PPFIBP1: variants seen among roughly 807,000 people sequenced by gnomAD.
The protein encoded by PPFIBP1 is liprin-beta-1.
Under a neutral mutation model 137.8 loss-of-function variants are expected in PPFIBP1, and 112 were observed. That is an observed-to-expected ratio of 0.81 (90% CI 0.70 to 0.95). The LOEUF (loss-of-function observed/expected upper bound fraction) is 0.95. Among genes scored for constraint, PPFIBP1 ranks in the 40% least tolerant of loss-of-function variants. The pLI is 0.00. For missense variants in PPFIBP1, 1,083 were observed against 1,196.6 expected (o/e 0.91, Z 1.40); for synonymous variants, 378 against 417.3 (o/e 0.91, Z 1.15).
rs754464591 is a variant in PPFIBP1 at position 27,688,282 on chromosome 12, T to C, written c.2371-16T>C. On this transcript the variant is annotated splice_polypyrimidine_tract_variant and intron_variant, in intron 25 of 29. Transcript: ENST00000228425. ...TGCAATTTAATATTTAGGATCCTGG[T>C]TGTGTGTTCCCATAGAATACCATCG... 25 of 1,611,832 alleles carry C rather than the reference T, an allele frequency of 1.6e-5. No homozygotes were observed. In the East Asian group the frequency reaches 5.4e-4, roughly 35 times the overall value.
At chr12:27,600,774 A>C (rs2053893910) in intron 2 of PPFIBP1, among the ~76,000 whole-genome samples, 1 of 152,214 alleles carries the variant, frequency 6.6e-6, no homozygotes, top group Non-Finnish European at 1.5e-5. Context: ...GTATATACTT[A>C]GTACTTAATA....
At chr12:27,688,455 A>G (rs377224588) in intron 26 of PPFIBP1, 32 bp downstream of exon 26, 1 of 1,609,188 alleles carries the variant, frequency 6.2e-7, no homozygotes, top group African/African-American at 1.3e-5. Flanking sequence ...AAATTGACTT[A>G]CTTTGCTTCC....
At chr12:27,601,165 A>G (rs1413611372) in intron 2 of PPFIBP1, among the ~76,000 whole-genome samples, 9 of 152,174 alleles carry the variant, frequency 5.9e-5, no homozygotes, top group African/African-American at 2.2e-4. Context: ...TTTACCAGTA[A>G]AAACAATTAA....
At chr12:27,631,212 C>T (rs1007079468) in intron 2 of PPFIBP1, among the ~76,000 whole-genome samples, 11 of 152,086 alleles carry the variant, frequency 7.2e-5, no homozygotes, top group African/African-American at 2.7e-4. Flanking sequence ...AACATTTCTG[C>T]CAAATGATTG....
chr12:27,673,805 TGAAGAAAGAGACA>T lies in PPFIBP1; in HGVS notation c.1359_1371del (p.Lys454LeufsTer70). 6.2e-7 allele frequency: 1 copy of T among 1,613,746 alleles called. No individual in the cohort carries two copies. Among genetic ancestry groups the T allele is most frequent in the Non-Finnish European group, 8.5e-7 (1 of 1,179,734 alleles). The stretch of plus-strand genomic sequence containing the variant: ...CAGAAGTCCAGCAGCCTGGGCAATC[TGAAGAAAGAGACA>T]TCTGATGGGGTGGGTTCTGTGTTTT... On this transcript the variant is annotated frameshift_variant, in exon 16 of 30. Coordinates refer to ENST00000228425, the MANE Select transcript of PPFIBP1 (RefSeq NM_003622.4). LOFTEE classifies it high-confidence loss of function.
intron 2 of PPFIBP1, chr12:27,594,120 CG>C: frequency 1.3e-6 from 1 of 783,278 alleles, no homozygotes; most frequent in Non-Finnish European, 1.8e-6. Flanking sequence ...TAGGTGGGAC[CG>C]GGGAGAAGAG....
intron 27 of PPFIBP1, among the ~76,000 whole-genome samples, chr12:27,690,808 C>T (rs1012505320): frequency 6.6e-6 from 1 of 152,038 alleles, no homozygotes; most frequent in African/African-American, 2.4e-5. Flanking sequence ...TAGGAAAATA[C>T]ACTTTAAAAA....
intron 2 of PPFIBP1, among the ~76,000 whole-genome samples, chr12:27,611,906 T>C (rs939397145): frequency 2.0e-5 from 3 of 152,102 alleles, no homozygotes; most frequent in Non-Finnish European, 2.9e-5. Context: ...GACCACGTCT[T>C]TCCCCCTCAA....
At chr12:27,535,598 C>G (rs1430640034) in intron 1 of PPFIBP1, among the ~76,000 whole-genome samples, 1 of 152,050 alleles carries the variant, frequency 6.6e-6, no homozygotes, top group East Asian at 1.9e-4. Context: ...AGGATCTCAC[C>G]ATGTTGCTCA....
chr12:27,648,337 G>C (rs2139559237), intron 6 of PPFIBP1, among the ~76,000 whole-genome samples: 1 of 152,258 alleles, frequency 6.6e-6, no homozygotes, highest in Non-Finnish European at 1.5e-5. Context: ...TTATCCAAAA[G>C]ACAGGCAATA....
At chr12:27,659,502 A>T (rs1272074881) in intron 10 of PPFIBP1, among the ~76,000 whole-genome samples, 1 of 151,972 alleles carries the variant, frequency 6.6e-6, no homozygotes, top group East Asian at 1.9e-4. Flanking sequence ...AGTCCCAGCT[A>T]CTCAGGAGGC....
chr12:27,692,535 C>A, intron 28 of PPFIBP1, 56 bp from the exon 29 acceptor site: 1 of 1,529,688 alleles, frequency 6.5e-7, no homozygotes, highest in Non-Finnish European at 9.0e-7. Context: ...CCTCCTGCTG[C>A]ACTTTCCCTG....
intron 2 of PPFIBP1, among the ~76,000 whole-genome samples, chr12:27,611,501 T>A (rs906581969): frequency 6.6e-6 from 1 of 152,220 alleles, no homozygotes; most frequent in Non-Finnish European, 1.5e-5. Context: ...TATATCCAAA[T>A]AAGGTCACAT....
intron 21 of PPFIBP1, among the ~76,000 whole-genome samples, chr12:27,680,513 G>C (rs1393838900): frequency 6.6e-6 from 1 of 152,078 alleles, no homozygotes; most frequent in Admixed American, 6.6e-5. Flanking sequence ...ATCATAATTA[G>C]TACCTACCCC....
At chr12:27,671,701 A>G (rs1473389208) in intron 14 of PPFIBP1, among the ~76,000 whole-genome samples, 155 bp downstream of exon 14, 2 of 152,226 alleles carry the variant, frequency 1.3e-5, no homozygotes, top group Admixed American at 1.3e-4. Context: ...GTTCTGTATT[A>G]TGGAAATAAA....
At chr12:27,634,172 A>G (rs2057481830) in intron 3 of PPFIBP1, among the ~76,000 whole-genome samples, 2 of 138,684 alleles carry the variant, frequency 1.4e-5, no homozygotes, top group Admixed American at 7.9e-5. Flanking sequence ...TAAGAGAGGA[A>G]GTCTTGCTAT....
intron 2 of PPFIBP1, among the ~76,000 whole-genome samples, chr12:27,605,944 T>C (rs1008033222): frequency 1.3e-5 from 2 of 152,190 alleles, no homozygotes; most frequent in Non-Finnish European, 1.5e-5. Flanking sequence ...GTTAAGATCG[T>C]ACATTAGAAT....
chr12:27,638,969 G>A (rs544007296), intron 4 of PPFIBP1, among the ~76,000 whole-genome samples: 24 of 152,244 alleles, frequency 1.6e-4, no homozygotes, highest in African/African-American at 5.8e-4. Context: ...TTTGCAGTTG[G>A]AATTATCATT....
At chr12:27,547,328 T>C (rs1425207187) in intron 1 of PPFIBP1, 1 of 152,190 alleles carries the variant, frequency 6.6e-6, no homozygotes, top group Non-Finnish European at 1.5e-5. Context: ...CCCTGTTGAC[T>C]GGGTTGGTGT....
Sources: allele counts gnomAD v4.1 joint callset (sites outside exome capture counted in the v4.1 genomes callset), GRCh38; gene constraint gnomAD v4.1.1; transcripts MANE v1.5; gene names NCBI Gene and HGNC (gene_info 2026-07-23, HGNC 2026-07-21).